The following PPFIA3 variants were observed in gnomAD, a reference collection of about 807,000 sequenced individuals.
PPFIA3 encodes liprin-alpha-3.
A neutral mutation model predicts 145.8 loss-of-function variants in PPFIA3; 26 were observed. The ratio of observed to expected loss-of-function variants is 0.18; its 90% CI spans 0.13 to 0.25. The LOEUF (loss-of-function observed/expected upper bound fraction) is 0.25. Ranked by LOEUF, PPFIA3 falls within the 10% of genes least tolerant of loss-of-function variation. The pLI is 1.00. For synonymous variants in PPFIA3, 645 were observed against 661.4 expected, an observed-to-expected ratio of 0.98 and a Z score of 0.38; for missense variants, 1,008 against 1,587.8, an observed-to-expected ratio of 0.63 and a Z score of 6.21.
At chr19:49,132,641 G>A (rs2041089785) in intron 7 of PPFIA3, among the ~76,000 whole-genome samples, 1 of 152,072 alleles carries the variant, frequency 6.6e-6, no homozygotes. Context: ...GAGACCCCAG[G>A]ACACTTGCTG....
intron 13 of PPFIA3, among the ~76,000 whole-genome samples, chr19:49,135,185 G>A (rs1410962438): frequency 6.6e-6 from 1 of 151,980 alleles, no homozygotes; most frequent in East Asian, 1.9e-4. Context: ...GGGACTACAG[G>A]CGTGCACCAC....
At chr19:49,127,111 C>A (rs1224699765) in intron 1 of PPFIA3, among the ~76,000 whole-genome samples, 1 of 146,848 alleles carries the variant, frequency 6.8e-6, no homozygotes, top group African/African-American at 2.5e-5. Context: ...AGGTCAGGCG[C>A]GGTGGCTCAC....
intron 7 of PPFIA3, among the ~76,000 whole-genome samples, chr19:49,131,990 A>G (rs2041078573): frequency 6.7e-6 from 1 of 149,046 alleles, no homozygotes; most frequent in South Asian, 2.1e-4. Context: ...AGCCCGGGCA[A>G]CAGAGCGAGA....
chr19:49,138,488 T>TC, intron 16 of PPFIA3, 61 bp downstream of exon 16: 2 of 1,378,640 alleles, frequency 1.5e-6, no homozygotes, highest in Non-Finnish European at 1.9e-6. Flanking sequence ...GAGGCAGGGC[T>TC]CCCCAGTGTA....
At chr19:49,131,641 T>C (rs1264545578) in intron 7 of PPFIA3, among the ~76,000 whole-genome samples, 1 of 151,134 alleles carries the variant, frequency 6.6e-6, no homozygotes. Context: ...CTGGGCAACA[T>C]AGCGAGACCC....
In PPFIA3 at chr19:49,129,460, G is replaced by T. The variant is rs367954241; in HGVS notation, c.582+6G>T. ...TGGAACTGAGCAATCAGGAGGTGTGGGTGTGGCCAAGACAGGGAATTTGAA... is the reference window on the plus strand; with the variant it reads ...TGGAACTGAGCAATCAGGAGGTGTGTGTGTGGCCAAGACAGGGAATTTGAA... On this transcript the variant is annotated splice_donor_region_variant and intron_variant, in intron 5 of 29. Transcript: ENST00000334186. The T allele has an allele frequency of 5.8e-6, 9 of 1,552,616 alleles. No individual in the cohort carries two copies. The East Asian group carries it at 1.4e-4, about 25-fold the overall frequency.
At position 49,134,910 on chromosome 19, in the gene PPFIA3, C is replaced by T; in HGVS notation, c.1515C>T (p.Tyr505=). The stretch of plus-strand genomic sequence containing the variant: ...TGCGGGGGAGGCCACCATCCTCCTA[C>T]TCCAGGTGACAGCAGCCCTTCTGCC... ...DQLRGRPPSS[Y]SRSLPGSALE... The change falls in exon 13 of 30, where the codon TAC becomes TAT. Residue 505 remains tyrosine (Y), a synonymous_variant. Coordinates refer to ENST00000334186, the MANE Select transcript of PPFIA3 (RefSeq NM_003660.4). The T allele has an allele frequency of 6.4e-7, 1 of 1,564,128 alleles. No homozygotes were observed. Among genetic ancestry groups the T allele is most frequent in the Non-Finnish European group, 8.7e-7 (1 of 1,153,138 alleles).
chr19:49,148,900 G>T (rs1405834611), intron 25 of PPFIA3, 93 bp from the exon 26 acceptor site: 2 of 1,579,488 alleles, frequency 1.3e-6, no homozygotes, highest in Non-Finnish European at 1.7e-6. Flanking sequence ...GGGGGGCGTG[G>T]CCCGAAGAGA....
At chr19:49,146,668 G>A (rs1443200134) in intron 23 of PPFIA3, among the ~76,000 whole-genome samples, 3 of 152,226 alleles carry the variant, frequency 2.0e-5, no homozygotes, top group East Asian at 1.9e-4. Context: ...AGTGGCTCAC[G>A]CCTGTAATTC....
At chr19:49,134,242 T>C in intron 11 of PPFIA3, 77 bp downstream of exon 11, 3 of 1,524,482 alleles carry the variant, frequency 2.0e-6, no homozygotes, top group Non-Finnish European at 2.6e-6. Context: ...CCCCAGGCCT[T>C]TCCCTCAGAT....
At chr19:49,121,131 T>C (rs2040932162) in intron 1 of PPFIA3, among the ~76,000 whole-genome samples, 1 of 152,138 alleles carries the variant, frequency 6.6e-6, no homozygotes. Context: ...AAGATGCAGC[T>C]TGTTGAGATG....
Position 49,133,761 on chromosome 19 carries a change from A to G in PPFIA3, c.1162-35A>G, listed in dbSNP as rs1345996563. ...GGCTGGGAGCCTGACTGATCCTGGAAGGGTAAGTCACACGCCATGGGTTCC... is the reference window on the plus strand; with the variant it reads ...GGCTGGGAGCCTGACTGATCCTGGAGGGGTAAGTCACACGCCATGGGTTCC... On this transcript the variant is annotated intron_variant, in intron 9 of 29. Transcript: ENST00000334186. This position sits in a 1 kb window ranked among gnomAD's most constrained non-coding sequence, Gnocchi z 7.2. 6.2e-7 allele frequency: 1 copy of G among 1,604,060 alleles called. No individual in the cohort carries two copies. Among genetic ancestry groups the G allele is most frequent in the South Asian group, 1.1e-5 (1 of 90,536 alleles).
rs2041332822 is a variant in PPFIA3 at position 49,150,321 on chromosome 19, C to T, written c.*99C>T. ...CTGTGGCCTCGCCGGGGAGAGCGGG[C>T]GGGGGAGCTCGCGCCGAGGACTGGA... On this transcript the variant is annotated 3_prime_UTR_variant, in exon 30 of 30. Coordinates refer to ENST00000334186, the MANE Select transcript of PPFIA3 (RefSeq NM_003660.4). 9.0e-6 allele frequency: 6 copies of T among 666,702 alleles called. No individual in the cohort carries two copies. The highest frequency in any genetic ancestry group is 1.5e-5 in the Non-Finnish European group (6 of 402,448). The allele number at this position is 666,702 out of a possible 1,614,324, so 41.3% of individuals were successfully genotyped here.
intron 15 of PPFIA3, among the ~76,000 whole-genome samples, chr19:49,137,694 A>G (rs2041158016): frequency 6.7e-6 from 1 of 150,130 alleles, no homozygotes; most frequent in Admixed American, 6.7e-5. Flanking sequence ...AGTGATGTAA[A>G]GTCTACCCTG....
At chr19:49,123,083 C>T (rs1342198198) in intron 1 of PPFIA3, among the ~76,000 whole-genome samples, 1 of 149,150 alleles carries the variant, frequency 6.7e-6, no homozygotes, top group African/African-American at 2.5e-5. Context: ...GGCTGGAGTG[C>T]AGTGGTATGA....
rs111716252 is a variant in PPFIA3 at position 49,137,154 on chromosome 19, G to A, written c.1853+243G>A. 5.0e-3 allele frequency: 1,929 copies of A among 387,584 alleles called. 43 individuals carry two copies. The highest frequency in any genetic ancestry group is 0.035 in the African/African-American group (1,701 of 48,734). 24.0% of individuals were successfully genotyped at this position (387,584 alleles called of 1,614,324 possible). On this transcript the variant is annotated intron_variant, in intron 15 of 29. Coordinates refer to ENST00000334186, the MANE Select transcript of PPFIA3 (RefSeq NM_003660.4). ...ACCATTCCCCAACACACCAAAGCCT[G>A]CATCCCCAAATAGCCCAGTTCCTCT... is the stretch of plus-strand genomic sequence containing the variant.
chr19:49,129,891 T>A, intron 5 of PPFIA3, 102 bp from the exon 6 acceptor site: 2 of 1,252,886 alleles, frequency 1.6e-6, no homozygotes, highest in Non-Finnish European at 2.3e-6. Context: ...CGGAGGCATC[T>A]CATATGGGGC....
At chr19:49,122,474 C>A (rs889949407) in intron 1 of PPFIA3, among the ~76,000 whole-genome samples, 1 of 152,144 alleles carries the variant, frequency 6.6e-6, no homozygotes, top group Non-Finnish European at 1.5e-5. Flanking sequence ...ACAACAAGTC[C>A]TTCCTTCTTT....
chr19:49,138,563 A>C, intron 16 of PPFIA3, 136 bp downstream of exon 16: 1 of 667,576 alleles, frequency 1.5e-6, no homozygotes. Flanking sequence ...TAAAGGTTCA[A>C]ACTCAAAGGG....
Sources: gnomAD v4.1 joint callset for allele counts (sites outside exome capture counted in the v4.1 genomes callset) on GRCh38, gnomAD v4.1.1 for gene constraint, Gnocchi (gnomAD v3.1) non-coding constraint, MANE v1.5 for transcripts, NCBI Gene and HGNC (gene_info 2026-07-23, HGNC 2026-07-21) for gene names.